The following AFF2 variants were observed in gnomAD, a reference collection of about 807,000 sequenced individuals.
AFF2 encodes the protein AF4/FMR2 family member 2.
AFF2 carries 14 observed loss-of-function variants against 76.9 expected under a neutral mutation model. The observed-to-expected ratio is 0.18, with a 90% CI of 0.12 to 0.28. The LOEUF (loss-of-function observed/expected upper bound fraction) is 0.28, where lower values mean the gene tolerates loss of function less well. Ranked by LOEUF, AFF2 falls within the 10% of genes least tolerant of loss-of-function variation. The pLI, the probability that AFF2 is intolerant of heterozygous loss-of-function variation, is 1.00. For missense variants in AFF2, 868 were observed against 1,001.1 expected (o/e 0.87, Z 1.79); for synonymous variants, 398 against 366.7 (o/e 1.09, Z -0.98).
intron 3 of AFF2, among the ~76,000 whole-genome samples, chrX:148,716,778 G>A (rs2055029049): frequency 9.0e-6 from 1 of 111,558 alleles, no homozygotes; most frequent in Admixed American, 9.5e-5. Context: ...TGTGGCCTCT[G>A]TCTTCCTTCT....
intron 3 of AFF2, among the ~76,000 whole-genome samples, chrX:148,787,161 T>C (rs2069831614): frequency 8.9e-6 from 1 of 112,229 alleles, no homozygotes; most frequent in African/African-American, 3.2e-5. Flanking sequence ...GTTTTTAACA[T>C]CTTTCTTAAG....
intron 4 of AFF2, among the ~76,000 whole-genome samples, chrX:148,836,849 G>A (rs1436576399): frequency 1.8e-5 from 2 of 111,681 alleles, no homozygotes; most frequent in African/African-American, 6.5e-5. Flanking sequence ...GGAGCCTAAG[G>A]GGCTTTTCCT....
At chrX:148,594,724 A>G (rs2053555607) in intron 1 of AFF2, among the ~76,000 whole-genome samples, 1 of 112,274 alleles carries the variant, frequency 8.9e-6, no homozygotes, top group Non-Finnish European at 1.9e-5. Flanking sequence ...ATATCCCTTG[A>G]AGCAGGAGTG....
intron 10 of AFF2, among the ~76,000 whole-genome samples, chrX:148,954,973 A>C (rs1159674212): frequency 8.9e-6 from 1 of 112,598 alleles, no homozygotes; most frequent in Non-Finnish European, 1.9e-5. Context: ...AGTGGATGCT[A>C]ATGTCTGCAT....
chrX:148,983,965 A>AAAAAAAAAAAAC, intron 19 of AFF2, among the ~76,000 whole-genome samples: 1 of 99,796 alleles, frequency 1.0e-5, no homozygotes, highest in African/African-American at 3.8e-5. Context: ...AAAAAAAAAA[A>AAAAAAAAAAAAC]AAACTGCCCT....
intron 9 of AFF2, among the ~76,000 whole-genome samples, chrX:148,937,229 A>G (rs1234101143): frequency 8.9e-6 from 1 of 112,152 alleles, no homozygotes; most frequent in Admixed American, 9.4e-5. Flanking sequence ...AGAAGAAAAG[A>G]AAGGGAAATA....
intron 1 of AFF2, among the ~76,000 whole-genome samples, chrX:148,533,245 A>C (rs2052748653): frequency 8.9e-6 from 1 of 112,077 alleles, no homozygotes; most frequent in African/African-American, 3.2e-5. Context: ...AATGGCTTTA[A>C]GGTTGAAATA....
chrX:148,600,941 AAG>A (rs1322735937), intron 1 of AFF2, among the ~76,000 whole-genome samples: 4 of 112,925 alleles, frequency 3.5e-5, no homozygotes, highest in Non-Finnish European at 5.6e-5. Flanking sequence ...AAGTTGAAGA[AAG>A]AGAAAGGAGG....
chrX:148,919,698 A>G (rs958908830), intron 9 of AFF2, among the ~76,000 whole-genome samples: 3 of 111,511 alleles, frequency 2.7e-5, no homozygotes, highest in Non-Finnish European at 5.7e-5. Context: ...GTTAATCCAA[A>G]TAATTTGGTT....
chrX:148,725,384 A>G (rs181309116), intron 3 of AFF2, among the ~76,000 whole-genome samples: 1 of 110,801 alleles, frequency 9.0e-6, no homozygotes, highest in East Asian at 2.9e-4. Flanking sequence ...AAGATCAGGT[A>G]CTCTAATAAA....
At chrX:148,730,471 A>G (rs2055207686) in intron 3 of AFF2, among the ~76,000 whole-genome samples, 1 of 112,685 alleles carries the variant, frequency 8.9e-6, no homozygotes, top group Non-Finnish European at 1.9e-5. Context: ...AAGAAAAAAA[A>G]TGCCTTTGTT....
intron 3 of AFF2, 60 bp downstream of exon 3, chrX:148,662,828 C>A: frequency 1.0e-5 from 11 of 1,100,752 alleles, no homozygotes; most frequent in Non-Finnish European, 1.3e-5. Flanking sequence ...GCTCTAACCT[C>A]TATAATCCAG....
chrX:148,655,926 A>T (rs2054247113), intron 2 of AFF2, among the ~76,000 whole-genome samples: 1 of 111,739 alleles, frequency 8.9e-6, no homozygotes, highest in Non-Finnish European at 1.9e-5. Context: ...TTTAGAATAA[A>T]CATTCCTGAT....
chrX:148,545,293 TA>T (rs782384977), intron 1 of AFF2, among the ~76,000 whole-genome samples: 3 of 111,748 alleles, frequency 2.7e-5, no homozygotes, highest in Non-Finnish European at 5.6e-5. Context: ...TGTGCCACTT[TA>T]TGAAACACTG....
At chrX:148,502,398 T>C (rs1392458767) in intron 1 of AFF2, among the ~76,000 whole-genome samples, 1 of 112,505 alleles carries the variant, frequency 8.9e-6, no homozygotes, top group Non-Finnish European at 1.9e-5. Context: ...AACAGCTTCA[T>C]TATGCCAATC....
chrX:148,911,899 G>A (rs185085593), intron 9 of AFF2, among the ~76,000 whole-genome samples: 19 of 111,759 alleles, frequency 1.7e-4, no homozygotes, highest in African/African-American at 5.9e-4. Flanking sequence ...TGTACCCAAA[G>A]GAATATAAAT....
intron 7 of AFF2, among the ~76,000 whole-genome samples, chrX:148,867,302 A>G (rs1268992326): frequency 2.7e-5 from 3 of 112,154 alleles, no homozygotes; most frequent in Non-Finnish European, 5.6e-5. Context: ...TGCCAAGGGC[A>G]AGTATCTGGA....
In AFF2 at chrX:148,887,992, T is replaced by G. The variant is rs1159663335; in HGVS notation, c.1359+2007T>G. On this transcript the variant is annotated intron_variant, in intron 8 of 20. Transcript: ENST00000370460. ...CTGCTTTTAGGATGCATAATGTCTT[T>G]TTGTAAAAGTAAATGGGTTGAAATA... Among the ~76,000 whole-genome samples the G allele has an allele frequency of 2.7e-5, 3 of 112,631 alleles. No individual in the cohort carries two copies. In the South Asian group the frequency reaches 1.1e-3, roughly 41 times the overall value.
At chrX:148,761,467 GT>G (rs77197026) in intron 3 of AFF2, among the ~76,000 whole-genome samples, 2,270 of 63,532 alleles carry the variant, frequency 0.036, 44 homozygotes, top group South Asian at 0.11. Flanking sequence ...AGTTTTTTTT[GT>G]TTTTTTTTTT....
Sources: allele counts gnomAD v4.1 joint callset (sites outside exome capture counted in the v4.1 genomes callset), GRCh38; gene constraint gnomAD v4.1.1; transcripts MANE v1.5; gene names NCBI Gene and HGNC (gene_info 2026-07-23, HGNC 2026-07-21).